MED23: variants seen among roughly 807,000 people sequenced by gnomAD.
MED23 encodes mediator complex subunit 23.
Under a neutral mutation model 163.9 loss-of-function variants are expected in MED23, and 105 were observed. The observed-to-expected ratio is 0.64, with a 90% CI of 0.55 to 0.75. MED23 has a LOEUF of 0.75. MED23 is among the 30% of genes least tolerant of loss of function. The pLI is 0.00. For synonymous variants in MED23, 561 were observed against 565.6 expected (o/e 0.99, Z 0.12); for missense variants, 1,054 against 1,649.0 (o/e 0.64, Z 6.25).
intron 10 of MED23, 70 bp from the exon 11 acceptor site, chr6:131,610,316 G>C (rs1776188568): frequency 2.8e-6 from 4 of 1,427,186 alleles, no homozygotes; most frequent in Non-Finnish European, 3.9e-6. Context: ...CCAGTTAATG[G>C]GCATTAATTG....
At chr6:131,594,057 A>G (rs1774856210) in intron 23 of MED23, 42 bp downstream of exon 23, 17 of 1,459,760 alleles carry the variant, frequency 1.2e-5, no homozygotes, top group Non-Finnish European at 1.6e-5. Context: ...AAATCAAAAT[A>G]CTGTTATTTC....
intron 21 of MED23, 54 bp from the exon 22 acceptor site, chr6:131,596,217 T>A: frequency 6.9e-7 from 1 of 1,453,966 alleles, no homozygotes; most frequent in Non-Finnish European, 9.7e-7. Flanking sequence ...AAAATTCTCT[T>A]AAAAGAGCTA....
At chr6:131,610,695 T>A (rs2114701475) in intron 10 of MED23, among the ~76,000 whole-genome samples, 1 of 152,322 alleles carries the variant, frequency 6.6e-6, no homozygotes, top group South Asian at 2.1e-4. Flanking sequence ...GTTATGTGAA[T>A]CTCTTTATTT....
chr6:131,576,174 T>G (rs1272068286), intron 30 of MED23, among the ~76,000 whole-genome samples: 2 of 152,236 alleles, frequency 1.3e-5, no homozygotes, highest in African/African-American at 4.8e-5. Context: ...CATCCTGTTT[T>G]TGTTACTAGG....
In MED23 at chr6:131,586,770, T is replaced by C; in HGVS notation, c.*909A>G. On this transcript the variant is annotated 3_prime_UTR_variant, in exon 29 of 29. Transcript: ENST00000368068. ...ACACGGTTTATTCATTCAGCAGACTTTACTCATTAGTTTTCAAGTCTTTCG... is the reference window on the plus strand; with the variant it reads ...ACACGGTTTATTCATTCAGCAGACTCTACTCATTAGTTTTCAAGTCTTTCG... 3 of 1,477,136 alleles carry C rather than the reference T, an allele frequency of 2.0e-6. No homozygotes were observed. The highest frequency in any genetic ancestry group is 2.7e-6 in the Non-Finnish European group (3 of 1,102,460). 91.5% of individuals were successfully genotyped at this position (1,477,136 alleles called of 1,614,324 possible).
downstream of MED23, chr6:131,584,109 A>G (rs1475016426): frequency 1.6e-6 from 1 of 614,348 alleles, no homozygotes; most frequent in African/African-American, 1.9e-5. Context: ...AAAAGCTTAT[A>G]TTTTCTAACT....
At position 131,576,666 on chromosome 6, in the gene MED23, C is replaced by T. The variant is rs104893944; in HGVS notation, c.4096-2371G>A. The T allele has an allele frequency of 1.9e-5, 31 of 1,613,496 alleles. No homozygotes were observed. In the Admixed American group the frequency reaches 2.2e-4, roughly 11 times the overall value. On this transcript the variant is annotated intron_variant, in intron 30 of 30. Coordinates refer to the MED23 transcript ENST00000354577. ...ACTTTATTTTTTAATTGTTCAGCCA[C>T]GAGGAGGGGTGGAAGAAGGCCCTAC...
downstream of MED23, chr6:131,584,082 T>A: frequency 1.3e-6 from 1 of 760,884 alleles, no homozygotes; most frequent in Non-Finnish European, 2.0e-6. Context: ...GTGGAAATTC[T>A]AACTTTTTTG....
chr6:131,583,898 C>T (rs1278453710), downstream of MED23: 23 of 1,613,912 alleles, frequency 1.4e-5, no homozygotes, highest in Non-Finnish European at 1.9e-5. Flanking sequence ...TACCTTAACC[C>T]ACCTAAGTAA....
chr6:131,609,000 C>T (rs1776065475), intron 11 of MED23, among the ~76,000 whole-genome samples: 2 of 152,154 alleles, frequency 1.3e-5, no homozygotes, highest in South Asian at 2.1e-4. Flanking sequence ...TCTCTGTATT[C>T]GCTGTCAGTC....
chr6:131,576,526 G>T (rs1214624696), intron 30 of MED23: 1 of 777,184 alleles, frequency 1.3e-6, no homozygotes, highest in Non-Finnish European at 2.2e-6. Context: ...TAAAAGAGAT[G>T]ATGTAAATTC....
chr6:131,575,371 G>C (rs1008455295), intron 30 of MED23, among the ~76,000 whole-genome samples: 1 of 152,096 alleles, frequency 6.6e-6, no homozygotes, highest in Admixed American at 6.5e-5. Flanking sequence ...AAAACTAAAG[G>C]CAAAACATGA....
intron 1 of MED23, 87 bp downstream of exon 1, chr6:131,627,924 G>A: frequency 6.5e-7 from 1 of 1,540,964 alleles, no homozygotes. Flanking sequence ...GTGAGAGGAG[G>A]TTGCCCAGGC....
In MED23 at chr6:131,627,677, A is replaced by G; in HGVS notation, c.40-5T>C. On this transcript the variant is annotated splice_region_variant and splice_polypyrimidine_tract_variant and intron_variant, in intron 1 of 28. Transcript: ENST00000368068. ...CTCTTCTATAACTTCCGTTTTCTGT[A>G]AAAAAAAAAAAAACAAAATGTAAAC... 4.6e-6 allele frequency: 3 copies of G among 654,768 alleles called. No individual in the cohort carries two copies. The highest frequency in any genetic ancestry group is 6.6e-6 in the Non-Finnish European group (3 of 454,716). The allele number at this position is 654,768 out of a possible 1,614,324, so 40.6% of individuals were successfully genotyped here.
At chr6:131,591,568 C>T in intron 25 of MED23, 41 bp from the exon 26 acceptor site, 1 of 1,412,466 alleles carries the variant, frequency 7.1e-7, no homozygotes, top group Non-Finnish European at 1.0e-6. Context: ...TATCACTTAT[C>T]CAGCATTCCA....
intron 30 of MED23, among the ~76,000 whole-genome samples, chr6:131,576,436 T>C (rs1160334383): frequency 1.3e-5 from 2 of 152,202 alleles, no homozygotes; most frequent in African/African-American, 4.8e-5. Flanking sequence ...TGTGTGCCAG[T>C]CTGAAAACCA....
intron 10 of MED23, among the ~76,000 whole-genome samples, chr6:131,614,003 G>A (rs1005741310): frequency 6.6e-6 from 1 of 152,044 alleles, no homozygotes; most frequent in African/African-American, 2.4e-5. Flanking sequence ...ATGACTTAAG[G>A]TTCACTGTAA....
At chr6:131,577,730 C>T (rs2114523425) in intron 30 of MED23, among the ~76,000 whole-genome samples, 1 of 151,834 alleles carries the variant, frequency 6.6e-6, no homozygotes, top group South Asian at 2.1e-4. Context: ...AGTGAAACCC[C>T]TTCTCTAGTA....
Position 131,592,394 on chromosome 6 carries a change from G to A in MED23, c.3465C>T (p.Ala1155=), listed in dbSNP as rs1774711335. The change falls in exon 25 of 29, where the codon GCC becomes GCT. Residue 1155 remains alanine (A), a synonymous_variant. Coordinates refer to ENST00000368068, the MANE Select transcript of MED23 (RefSeq NM_004830.4). ...WMNAIGLIIT[A]LPEPYWIVLH... ...ATCACAATTATTAACTCACTGGTAG[G>A]GCAGTGATGATCAAACCAATTGCAT... 3 of 1,611,778 alleles carry A rather than the reference G, an allele frequency of 1.9e-6. No homozygotes were observed. In the African/African-American group the frequency reaches 4.0e-5, roughly 22 times the overall value.
Sources: allele counts gnomAD v4.1 joint callset (sites outside exome capture counted in the v4.1 genomes callset), GRCh38; gene constraint gnomAD v4.1.1; transcripts MANE v1.5; gene names NCBI Gene and HGNC (gene_info 2026-07-23, HGNC 2026-07-21).